The following MTUS1 variants were observed in gnomAD, a reference collection of about 807,000 sequenced individuals.
MTUS1 encodes microtubule associated scaffold protein 1, also known as microtubule-associated tumor suppressor 1.
In MTUS1, 109 loss-of-function variants were observed where a neutral mutation model predicts 120.8. The observed-to-expected ratio is 0.90, with a 90% CI of 0.77 to 1.06. The LOEUF is 1.06. Ranked by LOEUF, MTUS1 falls within the 50% of genes least tolerant of loss-of-function variation. The probability of loss-of-function intolerance (pLI) is 0.00; values close to 1 mark genes in which losing one functional copy is unlikely to be tolerated. For synonymous variants in MTUS1, 737 were observed against 550.5 expected (o/e 1.34, Z -4.74); for missense variants, 2,210 against 1,486.3 (o/e 1.49, Z -8.01).
At chr8:17,652,143 G>C (rs1280094620) in intron 12 of MTUS1, among the ~76,000 whole-genome samples, 1 of 152,164 alleles carries the variant, frequency 6.6e-6, no homozygotes, top group Non-Finnish European at 1.5e-5. Flanking sequence ...GAAAACAGTG[G>C]TACTAAAGGC....
intron 1 of MTUS1, among the ~76,000 whole-genome samples, chr8:17,768,799 A>C (rs965620319): frequency 5.9e-5 from 9 of 152,238 alleles, no homozygotes; most frequent in Middle Eastern, 3.4e-3. Flanking sequence ...CAGCATTCCA[A>C]AGTCCTCTAA....
At chr8:17,739,524 TCAAA>T (rs139176118) in intron 3 of MTUS1, among the ~76,000 whole-genome samples, 1,831 of 152,064 alleles carry the variant, frequency 0.012, 33 homozygotes, top group African/African-American at 0.042. Flanking sequence ...AATTAATAAA[TCAAA>T]CAAACAAAAC....
Position 17,754,201 on chromosome 8 carries a change from T to C in MTUS1, c.1607A>G (p.Gln536Arg). ...TGATGAGGGTGATGAGGCACTGGTC[T>C]GCTGAGGTCTGGGCGTGACCTTTGA... Reference protein sequence around the residue: ...ALSKVTPRPQQTSASSPSSVN... With the variant: ...ALSKVTPRPQRTSASSPSSVN... The change falls in exon 2 of 15, where the codon CAG becomes CGG. Residue 536 changes from glutamine (Q) to arginine (R), a missense_variant. Transcript: ENST00000693296. 1 of 1,614,134 alleles carries C rather than the reference T, an allele frequency of 6.2e-7. No individual in the cohort carries two copies. The highest frequency in any genetic ancestry group is 8.5e-7 in the Non-Finnish European group (1 of 1,180,048).
intron 8 of MTUS1, among the ~76,000 whole-genome samples, chr8:17,657,875 G>A (rs1808761325): frequency 6.7e-6 from 1 of 150,108 alleles, no homozygotes; most frequent in African/African-American, 2.4e-5. Context: ...GTACATATGT[G>A]CACGTATATA....
chr8:17,796,957 C>A (rs976954850), intron 1 of MTUS1, among the ~76,000 whole-genome samples: 1 of 152,120 alleles, frequency 6.6e-6, no homozygotes, highest in South Asian at 2.1e-4. Context: ...ACTAAAAATA[C>A]AAAAATTAGC....
chr8:17,742,274 TTTTTTTTGTTGTTGTTG>T (rs1484753739), intron 3 of MTUS1, among the ~76,000 whole-genome samples: 35 of 123,406 alleles, frequency 2.8e-4, no homozygotes, highest in African/African-American at 8.8e-4. Flanking sequence ...CAGCTGTTTT[TTTTTTTTGTTGTTGTTG>T]TTTTTTTTTT....
intron 2 of MTUS1, among the ~76,000 whole-genome samples, chr8:17,747,485 T>G (rs1679004966): frequency 1.3e-5 from 2 of 152,232 alleles, no homozygotes; most frequent in African/African-American, 4.8e-5. Context: ...GCAGAGAAAT[T>G]CTAGGCAGAC....
intron 6 of MTUS1, among the ~76,000 whole-genome samples, chr8:17,705,122 C>CA (rs1369250629): frequency 6.6e-6 from 1 of 152,066 alleles, no homozygotes; most frequent in Non-Finnish European, 1.5e-5. Flanking sequence ...GCTGGGACTA[C>CA]AAGTGTGCAC....
At chr8:17,737,717 G>A (rs2047031425) in intron 3 of MTUS1, among the ~76,000 whole-genome samples, 2 of 152,098 alleles carry the variant, frequency 1.3e-5, no homozygotes, top group Admixed American at 1.3e-4. Flanking sequence ...AATCTCTTGG[G>A]CTCAAGTAAT....
chr8:17,738,364 T>C (rs1050646211), intron 3 of MTUS1, among the ~76,000 whole-genome samples: 1 of 152,152 alleles, frequency 6.6e-6, no homozygotes, highest in Non-Finnish European at 1.5e-5. Flanking sequence ...TCTGTAATCC[T>C]ACCTGGCTCA....
At chr8:17,704,496 C>T (rs1286021925) in intron 6 of MTUS1, among the ~76,000 whole-genome samples, 2 of 152,106 alleles carry the variant, frequency 1.3e-5, no homozygotes, top group African/African-American at 4.8e-5. Context: ...TTGTGGATGT[C>T]CAGTTTTCCC....
Position 17,670,141 on chromosome 8 carries a change from C to A in MTUS1, c.2905+5045G>T, listed in dbSNP as rs973473429. Among the ~76,000 whole-genome samples the A allele has an allele frequency of 1.2e-4, 19 of 152,146 alleles. No individual in the cohort carries two copies. In the East Asian group the frequency reaches 1.5e-3, roughly 12 times the overall value. On this transcript the variant is annotated intron_variant, in intron 8 of 14. Coordinates refer to ENST00000693296, the MANE Select transcript of MTUS1 (RefSeq NM_001363059.2). ...TTGGGTGGTAAGTGAATCATATCGA[C>A]CCTGCCAAAGCTGAGGAACAGGGGT... is the stretch of plus-strand genomic sequence containing the variant.
chr8:17,783,704 G>A (rs1351778572), intron 1 of MTUS1, among the ~76,000 whole-genome samples: 1 of 152,092 alleles, frequency 6.6e-6, no homozygotes. Flanking sequence ...GCCTATTGGT[G>A]ACAGCCTTTA....
At chr8:17,672,229 C>A (rs1812179640) in intron 8 of MTUS1, among the ~76,000 whole-genome samples, 1 of 152,210 alleles carries the variant, frequency 6.6e-6, no homozygotes, top group Non-Finnish European at 1.5e-5. Flanking sequence ...TACTACACAG[C>A]TGTCAAGCTG....
chr8:17,657,470 A>G (rs1808617154), intron 8 of MTUS1, among the ~76,000 whole-genome samples: 2 of 150,188 alleles, frequency 1.3e-5, no homozygotes, highest in East Asian at 2.0e-4. Flanking sequence ...TGGGAGGCTG[A>G]GGCAGGAGAA....
intron 2 of MTUS1, among the ~76,000 whole-genome samples, chr8:17,747,847 C>T (rs937409936): frequency 2.0e-5 from 3 of 152,142 alleles, no homozygotes; most frequent in Non-Finnish European, 2.9e-5. Flanking sequence ...GGAAGCCTCA[C>T]AATCATGGCA....
intron 10 of MTUS1, chr8:17,654,296 AACCACC>A (rs1342557812): frequency 8.3e-6 from 4 of 484,780 alleles, no homozygotes; most frequent in African/African-American, 1.9e-5. Context: ...CTAAGCTGGC[AACCACC>A]ACCGCCAAAA....
In MTUS1 at chr8:17,668,170, G is replaced by T. The variant is rs111820361; in HGVS notation, c.2905+7016C>A. On this transcript the variant is annotated intron_variant, in intron 8 of 14. Coordinates refer to ENST00000693296, the MANE Select transcript of MTUS1 (RefSeq NM_001363059.2). ...CGTGGCCCAGGACAGCTTTGAATGC[G>T]GCCCAACACAAATTTGTAAACTTTC... is the stretch of plus-strand genomic sequence containing the variant. 6.2e-3 allele frequency among the ~76,000 whole-genome samples: 941 copies of T among 152,270 alleles called. 18 individuals carry two copies. The highest frequency in any genetic ancestry group is 0.022 in the African/African-American group (920 of 41,558).
chr8:17,649,260 T>G (rs938397667), intron 13 of MTUS1, among the ~76,000 whole-genome samples: 2 of 152,088 alleles, frequency 1.3e-5, no homozygotes, highest in Non-Finnish European at 2.9e-5. Context: ...TTTCACCATG[T>G]TGGCCAGGCT....
Sources: gnomAD v4.1 joint callset for allele counts (sites outside exome capture counted in the v4.1 genomes callset) on GRCh38, gnomAD v4.1.1 for gene constraint, MANE v1.5 for transcripts, NCBI Gene and HGNC (gene_info 2026-07-23, HGNC 2026-07-21) for gene names.